TBCA: variants seen among roughly 807,000 people sequenced by gnomAD.
TBCA encodes tubulin folding cofactor A, also known as tubulin-specific chaperone A.
A neutral mutation model predicts 15.8 loss-of-function variants in TBCA; 6 were observed. The ratio of observed to expected loss-of-function variants is 0.38; its 90% CI spans 0.21 to 0.75. TBCA has a LOEUF of 0.75. TBCA is among the 30% of genes least tolerant of loss of function. The pLI is 0.46. For missense variants in TBCA, 90 were observed against 131.2 expected (o/e 0.69, Z 1.53); for synonymous variants, 32 against 42.3 (o/e 0.76, Z 0.94).
At chr5:77,713,418 C>G (rs1423697084) in intron 1 of TBCA, among the ~76,000 whole-genome samples, 2 of 152,068 alleles carry the variant, frequency 1.3e-5, no homozygotes, top group Non-Finnish European at 1.5e-5. Flanking sequence ...ACTGAGATGA[C>G]AGCATATTGA....
chr5:77,706,794 C>T (rs1580096585), intron 2 of TBCA, among the ~76,000 whole-genome samples: 1 of 116,240 alleles, frequency 8.6e-6, no homozygotes, highest in African/African-American at 3.4e-5. Flanking sequence ...CTGGGTGACA[C>T]AGCAAGACTC....
At chr5:77,757,496 G>C (rs1355636028) in intron 1 of TBCA, among the ~76,000 whole-genome samples, 1 of 152,062 alleles carries the variant, frequency 6.6e-6, no homozygotes, top group Non-Finnish European at 1.5e-5. Context: ...TCCAGAAAAG[G>C]AGTTGTACAG....
At chr5:77,770,879 T>C (rs1404657020) in intron 1 of TBCA, among the ~76,000 whole-genome samples, 1 of 152,182 alleles carries the variant, frequency 6.6e-6, no homozygotes, top group East Asian at 1.9e-4. Context: ...CTCACGCCTA[T>C]AATTCCAGCA....
At chr5:77,755,603 A>G (rs1458424333) in intron 1 of TBCA, among the ~76,000 whole-genome samples, 1 of 152,062 alleles carries the variant, frequency 6.6e-6, no homozygotes, top group Non-Finnish European at 1.5e-5. Flanking sequence ...AAAATAATAA[A>G]TAAATAAAAT....
intron 1 of TBCA, among the ~76,000 whole-genome samples, chr5:77,718,574 T>C (rs763656109): frequency 7.2e-5 from 11 of 152,340 alleles, no homozygotes; most frequent in Admixed American, 2.6e-4. Flanking sequence ...GTACAATGTA[T>C]GTAGTTAAAA....
chr5:77,716,390 T>C (rs182272317), intron 1 of TBCA, among the ~76,000 whole-genome samples: 73 of 152,318 alleles, frequency 4.8e-4, no homozygotes, highest in African/African-American at 1.5e-3. Flanking sequence ...CAGACAGTTA[T>C]GATATTGGTA....
chr5:77,705,555 G>C, intron 2 of TBCA: 2 of 398,560 alleles, frequency 5.0e-6, no homozygotes, highest in South Asian at 2.5e-4. Flanking sequence ...GGCCAGGTAG[G>C]GGGGACTCAC....
chr5:77,776,286 G>T lies in TBCA; in HGVS notation c.-29C>A. On this transcript the variant is annotated 5_prime_UTR_variant, in exon 1 of 4. Transcript: ENST00000380377. ...CCCTCGAGCGCCGCGAGAAGGAGGGGCGGAGAGCCGGGGTAACCGTGGAGG... is the reference window on the plus strand; with the variant it reads ...CCCTCGAGCGCCGCGAGAAGGAGGGTCGGAGAGCCGGGGTAACCGTGGAGG... 2.6e-6 allele frequency: 4 copies of T among 1,566,902 alleles called. No individual in the cohort carries two copies. Among genetic ancestry groups the T allele is most frequent in the Non-Finnish European group, 3.5e-6 (4 of 1,156,770 alleles).
intron 1 of TBCA, among the ~76,000 whole-genome samples, chr5:77,763,655 G>A (rs546275454): frequency 6.6e-6 from 1 of 152,122 alleles, no homozygotes; most frequent in Non-Finnish European, 1.5e-5. Flanking sequence ...CCCACCACTC[G>A]AGGATACAAT....
At chr5:77,731,035 C>T (rs917723702) in intron 1 of TBCA, among the ~76,000 whole-genome samples, 14 of 152,050 alleles carry the variant, frequency 9.2e-5, no homozygotes, top group Non-Finnish European at 2.1e-4. Context: ...TACATGTATG[C>T]CCTTGCCTGC....
chr5:77,712,924 A>G (rs1014337747), intron 1 of TBCA, among the ~76,000 whole-genome samples: 4 of 152,184 alleles, frequency 2.6e-5, no homozygotes, highest in African/African-American at 7.2e-5. Context: ...ATGGACCTGT[A>G]TTAACATTTT....
At chr5:77,726,924 T>C (rs1382846944) in intron 1 of TBCA, among the ~76,000 whole-genome samples, 1 of 152,178 alleles carries the variant, frequency 6.6e-6, no homozygotes, top group Non-Finnish European at 1.5e-5. Context: ...GACCATCTTA[T>C]ATGCCCAGGT....
intron 1 of TBCA, among the ~76,000 whole-genome samples, chr5:77,729,348 C>CT (rs1258979285): frequency 6.6e-6 from 1 of 152,034 alleles, no homozygotes; most frequent in African/African-American, 2.4e-5. Context: ...AATACCATCA[C>CT]TGGAAAAGTG....
At chr5:77,703,391 A>C (rs1746069751) in intron 2 of TBCA, among the ~76,000 whole-genome samples, 1 of 152,096 alleles carries the variant, frequency 6.6e-6, no homozygotes, top group South Asian at 2.1e-4. Context: ...TCTGTACCCA[A>C]CCCTAATTGG....
In TBCA at chr5:77,734,213, C is replaced by G. The variant is rs187233572; in HGVS notation, c.54-25866G>C. On this transcript the variant is annotated intron_variant, in intron 1 of 3. Transcript: ENST00000380377. ...TGTTTTCATGTCTGCTAATACAACA[C>G]CCATTCTGCAGCCCATGCAGCAAAG... is the stretch of plus-strand genomic sequence containing the variant. 2.4e-3 allele frequency among the ~76,000 whole-genome samples: 370 copies of G among 152,308 alleles called. 2 individuals carry two copies. Among genetic ancestry groups the G allele is most frequent in the African/African-American group, 8.7e-3 (360 of 41,568 alleles).
At chr5:77,693,089 G>A (rs1561261004) in intron 3 of TBCA, 177 bp downstream of exon 3, 5 of 1,463,934 alleles carry the variant, frequency 3.4e-6, no homozygotes, top group Non-Finnish European at 4.5e-6. Flanking sequence ...TTTACTGGAG[G>A]CATAATTCAA....
At chr5:77,722,067 T>C (rs1746541129) in intron 1 of TBCA, among the ~76,000 whole-genome samples, 2 of 152,110 alleles carry the variant, frequency 1.3e-5, no homozygotes, top group South Asian at 4.1e-4. Flanking sequence ...CACAACTTTT[T>C]GCAAGCTGTT....
chr5:77,735,324 C>T (rs1280547302), intron 1 of TBCA, among the ~76,000 whole-genome samples: 1 of 152,154 alleles, frequency 6.6e-6, no homozygotes, highest in African/African-American at 2.4e-5. Flanking sequence ...TACTTTCCCT[C>T]AAGGGGATTA....
chr5:77,725,084 T>G (rs985570229), intron 1 of TBCA, among the ~76,000 whole-genome samples: 21 of 152,218 alleles, frequency 1.4e-4, no homozygotes, highest in South Asian at 4.1e-4. Context: ...CTTTTTTATT[T>G]GTAGACGGAT....
Sources: allele counts gnomAD v4.1 joint callset (sites outside exome capture counted in the v4.1 genomes callset), GRCh38; gene constraint gnomAD v4.1.1; transcripts MANE v1.5; gene names NCBI Gene and HGNC (gene_info 2026-07-23, HGNC 2026-07-21).